ARHGEF28: variants seen among roughly 807,000 people sequenced by gnomAD.
The protein encoded by ARHGEF28 is Rho guanine nucleotide exchange factor 28, also known as 190 kDa guanine nucleotide exchange factor.
In ARHGEF28, 152 loss-of-function variants were observed where a neutral mutation model predicts 206.6. The observed-to-expected ratio is 0.74, with a 90% CI of 0.64 to 0.84. The LOEUF is 0.84. ARHGEF28 is among the 40% of genes least tolerant of loss of function. The pLI is 0.00. For missense variants in ARHGEF28, 2,028 were observed against 2,073.2 expected (o/e 0.98, Z 0.42); for synonymous variants, 763 against 776.4 (o/e 0.98, Z 0.29).
At chr5:73,630,802 A>T (rs1183311179) in intron 1 of ARHGEF28, among the ~76,000 whole-genome samples, 1 of 152,212 alleles carries the variant, frequency 6.6e-6, no homozygotes, top group Admixed American at 6.5e-5. Flanking sequence ...CTCAGTCTTG[A>T]TGAATTGAAT....
At chr5:73,838,285 T>C (rs1399976859) in intron 10 of ARHGEF28, among the ~76,000 whole-genome samples, 1 of 152,202 alleles carries the variant, frequency 6.6e-6, no homozygotes, top group African/African-American at 2.4e-5. Context: ...CCTATATCTA[T>C]TTGAATAGCA....
At chr5:73,869,720 A>G (rs1669706223) in intron 20 of ARHGEF28, among the ~76,000 whole-genome samples, 1 of 152,136 alleles carries the variant, frequency 6.6e-6, no homozygotes, top group South Asian at 2.1e-4. Context: ...CAGCCTGGCC[A>G]ACATGGTGAA....
chr5:73,755,677 C>T (rs1752269682), intron 4 of ARHGEF28, among the ~76,000 whole-genome samples: 1 of 152,140 alleles, frequency 6.6e-6, no homozygotes, highest in African/African-American at 2.4e-5. Context: ...TAGAAGCATA[C>T]AGTTTTCCAT....
At chr5:73,737,269 T>C (rs1387467028) in intron 2 of ARHGEF28, among the ~76,000 whole-genome samples, 4 of 152,008 alleles carry the variant, frequency 2.6e-5, no homozygotes, top group Non-Finnish European at 4.4e-5. Flanking sequence ...AATCTTTCTC[T>C]CTCCTGCTCA....
At chr5:73,800,199 T>A (rs892239459) in intron 9 of ARHGEF28, among the ~76,000 whole-genome samples, 1 of 152,220 alleles carries the variant, frequency 6.6e-6, no homozygotes, top group Non-Finnish European at 1.5e-5. Context: ...GCTGTGATCA[T>A]GAAAACAAGA....
At chr5:73,887,809 T>C in intron 26 of ARHGEF28, 130 bp downstream of exon 26, 1 of 756,180 alleles carries the variant, frequency 1.3e-6, no homozygotes, top group East Asian at 2.9e-5. Context: ...TTTCCATTAT[T>C]ACTTGTGATT....
At chr5:73,755,428 C>A (rs1310462253) in intron 4 of ARHGEF28, among the ~76,000 whole-genome samples, 1 of 152,012 alleles carries the variant, frequency 6.6e-6, no homozygotes, top group Non-Finnish European at 1.5e-5. Flanking sequence ...GTCCCACAGC[C>A]CCTCCCCAGG....
intron 5 of ARHGEF28, 30 bp from the exon 6 acceptor site, chr5:73,776,486 C>G (rs773761681): frequency 1.9e-6 from 3 of 1,589,300 alleles, no homozygotes. Context: ...CTTTGAAGCT[C>G]TGTGTGGGTT....
chr5:73,643,737 C>T (rs1303236649), intron 1 of ARHGEF28, among the ~76,000 whole-genome samples: 1 of 151,290 alleles, frequency 6.6e-6, no homozygotes, highest in Non-Finnish European at 1.5e-5. Flanking sequence ...ATCGCTTGCA[C>T]CCAGGAGGCC....
chr5:73,803,006 T>G (rs139442278), intron 9 of ARHGEF28, among the ~76,000 whole-genome samples: 2 of 150,752 alleles, frequency 1.3e-5, no homozygotes, highest in African/African-American at 4.9e-5. Context: ...TTAGCTTTTA[T>G]GCCAGGCAGC....
rs369851573 is a variant in ARHGEF28, at chr5:73,741,341, ATGTGTGTGTG to A, written c.34-8460_34-8451del. Reference sequence around the variant, plus strand: ...AAAGTCGTCTAGATTTTAAATTTATATGTGTGTGTGTGTGTGTGTGTGTGTGTGTGTGTGT... The same window carrying A: ...AAAGTCGTCTAGATTTTAAATTTATATGTGTGTGTGTGTGTGTGTGTGTGT... On this transcript the variant is annotated intron_variant, in intron 2 of 35. Coordinates refer to ENST00000513042, the MANE Select transcript of ARHGEF28 (RefSeq NM_001177693.2). Among the ~76,000 whole-genome samples the A allele has an allele frequency of 2.1e-3, 141 of 66,116 alleles. 1 individual carries two copies. Among genetic ancestry groups the A allele is most frequent in the African/African-American group, 8.6e-3 (121 of 13,996 alleles). 43.4% of individuals were successfully genotyped at this position (66,116 alleles called of 152,430 possible). A position where few individuals can be genotyped will look rare whatever the true frequency, so the allele number is the denominator to read the frequency against.
At chr5:73,811,829 A>C (rs1475015439) in intron 9 of ARHGEF28, among the ~76,000 whole-genome samples, 3 of 152,028 alleles carry the variant, frequency 2.0e-5, no homozygotes, top group African/African-American at 4.8e-5. Flanking sequence ...CTAAAAATAC[A>C]AAAATTAGCC....
At chr5:73,717,194 A>G (rs1749635755) in intron 2 of ARHGEF28, among the ~76,000 whole-genome samples, 1 of 152,114 alleles carries the variant, frequency 6.6e-6, no homozygotes, top group Non-Finnish European at 1.5e-5. Flanking sequence ...AACTTTGTAA[A>G]TGCAGGCCTG....
intron 2 of ARHGEF28, among the ~76,000 whole-genome samples, chr5:73,685,938 A>G (rs1747438620): frequency 6.6e-6 from 1 of 152,160 alleles, no homozygotes; most frequent in African/African-American, 2.4e-5. Flanking sequence ...GAACAAATTT[A>G]ATCAGAATCC....
At chr5:73,766,663 G>C (rs950718195) in intron 4 of ARHGEF28, among the ~76,000 whole-genome samples, 10 of 151,650 alleles carry the variant, frequency 6.6e-5, no homozygotes, top group African/African-American at 2.2e-4. Context: ...TTCTGGAGAG[G>C]GCCTTAAACA....
intron 28 of ARHGEF28, among the ~76,000 whole-genome samples, chr5:73,893,984 A>G (rs953500352): frequency 6.6e-6 from 1 of 151,746 alleles, no homozygotes; most frequent in Non-Finnish European, 1.5e-5. Flanking sequence ...AACTTAAACC[A>G]GTATGTTTGG....
chr5:73,806,387 TAG>T (rs1554065479), intron 9 of ARHGEF28, among the ~76,000 whole-genome samples: 3 of 128,264 alleles, frequency 2.3e-5, no homozygotes, highest in Admixed American at 1.7e-4. Flanking sequence ...TATAGATATA[TAG>T]ATATATATAC....
At chr5:73,840,198 C>T (rs72772519) in intron 10 of ARHGEF28, among the ~76,000 whole-genome samples, 4,266 of 152,268 alleles carry the variant, frequency 0.028, 101 homozygotes, top group Non-Finnish European at 0.041. Flanking sequence ...CTCATTGCAA[C>T]GTCTGCCTCC....
intron 2 of ARHGEF28, among the ~76,000 whole-genome samples, chr5:73,745,199 G>A (rs540789486): frequency 2.6e-5 from 4 of 151,988 alleles, no homozygotes; most frequent in Admixed American, 2.6e-4. Context: ...ATATACAGAT[G>A]CATTGTTTAT....
Sources: gnomAD v4.1 joint callset for allele counts (sites outside exome capture counted in the v4.1 genomes callset) on GRCh38, gnomAD v4.1.1 for gene constraint, MANE v1.5 for transcripts, NCBI Gene and HGNC (gene_info 2026-07-23, HGNC 2026-07-21) for gene names.